Variants in SIRT2 observed in about 807,000 individuals in gnomAD.
SIRT2 encodes NAD-dependent protein deacetylase sirtuin-2.
Under a neutral mutation model 57.4 loss-of-function variants are expected in SIRT2, and 40 were observed. The observed-to-expected ratio is 0.70, with a 90% CI of 0.54 to 0.91. The LOEUF (loss-of-function observed/expected upper bound fraction) is 0.91, where lower values mean the gene tolerates loss of function less well. Among genes scored for constraint, SIRT2 ranks in the 40% least tolerant of loss-of-function variants. SIRT2 has a pLI of 0.00. For synonymous variants in SIRT2, 161 were observed against 195.7 expected, an observed-to-expected ratio of 0.82 and a Z score of 1.48; for missense variants, 439 against 510.4, an observed-to-expected ratio of 0.86 and a Z score of 1.35.
chr19:38,888,674 G>T (rs144678195), intron 8 of SIRT2, among the ~76,000 whole-genome samples: 5 of 152,232 alleles, frequency 3.3e-5, no homozygotes, highest in Non-Finnish European at 5.9e-5. Flanking sequence ...TGTTGGACAC[G>T]TGTCATAGTG....
In SIRT2 at chr19:38,893,857, G is replaced by T; in HGVS notation, c.74C>A (p.Ser25Ter). The T allele has an allele frequency of 6.2e-7, 1 of 1,614,094 alleles. No homozygotes were observed. Among genetic ancestry groups the T allele is most frequent in the Non-Finnish European group, 8.5e-7 (1 of 1,180,000 alleles). The change falls in exon 3 of 16, where the codon TCA (serine) becomes TAA (stop). Residue 25 changes from serine to a stop codon, truncating the protein, a stop_gained. Coordinates refer to ENST00000249396, the MANE Select transcript of SIRT2 (RefSeq NM_012237.4). LOFTEE classifies it high-confidence loss of function. ...ACCAGCGGCTCCTCCCTCAGAGTCTGAATCTGAGTCCTGGAAGGGGTGGGG... is the reference window on the plus strand; with the variant it reads ...ACCAGCGGCTCCTCCCTCAGAGTCTTAATCTGAGTCCTGGAAGGGGTGGGG... ...GKVQEAQDSDSDSEGGAAGGE... is the reference protein window; with the variant it reads ...GKVQEAQDSD
chr19:38,885,646 A>AGT (rs998928340), intron 8 of SIRT2, among the ~76,000 whole-genome samples: 1 of 144,496 alleles, frequency 6.9e-6, no homozygotes, highest in African/African-American at 2.6e-5. Context: ...GCTGGAGTGC[A>AGT]GTGGCGCAAT....
At chr19:38,895,407 G>T (rs1439106890) in intron 2 of SIRT2, among the ~76,000 whole-genome samples, 2 of 152,198 alleles carry the variant, frequency 1.3e-5, no homozygotes, top group Non-Finnish European at 2.9e-5. Context: ...CCAGCACTGA[G>T]AACAGGGTCT....
At chr19:38,892,826 C>T (rs1418646967) in intron 4 of SIRT2, among the ~76,000 whole-genome samples, 1 of 152,174 alleles carries the variant, frequency 6.6e-6, no homozygotes, top group African/African-American at 2.4e-5. Flanking sequence ...GATCCTCCCA[C>T]GATGGCCTCC....
Position 38,879,035 on chromosome 19 carries a change from A to G in SIRT2, c.*120T>C. The stretch of plus-strand genomic sequence containing the variant: ...ACCCCAGTTTTGGGGAGGGAGCTGT[A>G]AGAGATTGGGGGATGTTCTGAGCTC... On this transcript the variant is annotated 3_prime_UTR_variant, in exon 16 of 16. Coordinates refer to ENST00000249396, the MANE Select transcript of SIRT2 (RefSeq NM_012237.4). 2 of 1,102,724 alleles carry G rather than the reference A, an allele frequency of 1.8e-6. No individual in the cohort carries two copies. The highest frequency in any genetic ancestry group is 5.3e-5 in the East Asian group (2 of 37,710). The allele number at this position is 1,102,724 out of a possible 1,614,324, so 68.3% of individuals were successfully genotyped here.
chr19:38,889,555 C>A, intron 7 of SIRT2, 134 bp downstream of exon 7: 1 of 987,102 alleles, frequency 1.0e-6, no homozygotes, highest in Non-Finnish European at 1.5e-6. Context: ...AGGACTTGAA[C>A]CGAGGCAGTC....
At chr19:38,897,331 T>G (rs1218384904) in intron 2 of SIRT2, among the ~76,000 whole-genome samples, 1 of 152,168 alleles carries the variant, frequency 6.6e-6, no homozygotes, top group African/African-American at 2.4e-5. Context: ...AAGCGATACC[T>G]GTTGTGTGGA....
intron 2 of SIRT2, among the ~76,000 whole-genome samples, chr19:38,897,069 G>A (rs917313235): frequency 1.3e-5 from 2 of 152,138 alleles, no homozygotes; most frequent in Non-Finnish European, 2.9e-5. Context: ...TCCTGTAGCC[G>A]AGGGACGGGG....
chr19:38,888,404 C>T lies in SIRT2; in HGVS notation c.501+683G>A, dbSNP rs1027388979. ...CCCAGGCGGGTCCCAAACGCCTGGG[C>T]TCGAGCTATCTCTCGCTTTGGCCTC... On this transcript the variant is annotated intron_variant, in intron 8 of 15. Coordinates refer to ENST00000249396, the MANE Select transcript of SIRT2 (RefSeq NM_012237.4). 3.3e-5 allele frequency among the ~76,000 whole-genome samples: 5 copies of T among 152,232 alleles called. No homozygotes were observed. In the South Asian group the frequency reaches 1.0e-3, roughly 32 times the overall value.
At chr19:38,890,736 A>G (rs985307372) in intron 4 of SIRT2, 7 of 156,324 alleles carry the variant, frequency 4.5e-5, no homozygotes, top group Middle Eastern at 5.2e-4. Flanking sequence ...GTTGGAAATC[A>G]CACCAACTTG....
At chr19:38,884,456 G>GTTT (rs1169106739) in intron 8 of SIRT2, among the ~76,000 whole-genome samples, 1 of 150,614 alleles carries the variant, frequency 6.6e-6, no homozygotes, top group East Asian at 2.0e-4. Flanking sequence ...TTGTTTGTTT[G>GTTT]TTTGTTTTTT....
chr19:38,898,425 G>A lies in SIRT2; in HGVS notation c.17C>T (p.Pro6Leu), dbSNP rs904071840. MAEPD[P>L]SHPLETQAGK... Reference sequence around the variant, plus strand: ...TGCCTGGGTCTCCAGAGGGTGAGAGGCTGGGGGAGGGGAGCAGAGGTGGTT... The same window carrying A: ...TGCCTGGGTCTCCAGAGGGTGAGAGACTGGGGGAGGGGAGCAGAGGTGGTT... The change falls in exon 2 of 16, where the codon CCC (proline) becomes CTC (leucine). Residue 6 changes from proline (P) to leucine (L), a missense_variant and splice_region_variant. Physicochemically the swap from Pro to Leu is moderately conservative, Grantham distance 98. Coordinates refer to ENST00000249396, the MANE Select transcript of SIRT2 (RefSeq NM_012237.4). 7 of 1,536,392 alleles carry A rather than the reference G, an allele frequency of 4.6e-6. No homozygotes were observed. The highest frequency in any genetic ancestry group is 2.7e-5 in the African/African-American group (2 of 73,168).
intron 2 of SIRT2, among the ~76,000 whole-genome samples, chr19:38,895,064 C>T (rs1243121726): frequency 2.7e-5 from 4 of 150,870 alleles, no homozygotes; most frequent in African/African-American, 9.7e-5. Context: ...TTTCCTGCCC[C>T]CGCCTCCCTC....
rs1973073931 is a variant in SIRT2, at chr19:38,879,697, G to A, written c.882C>T (p.Asp294=). ...GGCCCATAATCATCCCCAGGAAAGG[G>A]TCCGACTGTCAGGGAGGGGGTGGGT... ...LINKEKAGQS[D]PFLGMIMGLG... is the part of the protein sequence containing the mutation. The change falls in exon 14 of 16, where the codon GAC becomes GAT. Residue 294 remains aspartate, a synonymous_variant. Transcript: ENST00000249396. The A allele has an allele frequency of 1.3e-6, 2 of 1,566,912 alleles. No homozygotes were observed. Among genetic ancestry groups the A allele is most frequent in the African/African-American group, 1.4e-5 (1 of 73,762 alleles).
chr19:38,879,319 G>C lies in SIRT2; in HGVS notation c.1015-9C>G. 6.2e-7 allele frequency: 1 copy of C among 1,613,450 alleles called. No individual in the cohort carries two copies. Among genetic ancestry groups the C allele is most frequent in the Non-Finnish European group, 8.5e-7 (1 of 1,179,876 alleles). Reference sequence around the variant, plus strand: ...AGGTCCTCCAGCTCCTTCTGCAGGAGCAAAGGTCACAGAAGTCAAAGGTCA... The same window carrying C: ...AGGTCCTCCAGCTCCTTCTGCAGGACCAAAGGTCACAGAAGTCAAAGGTCA... On this transcript the variant is annotated splice_polypyrimidine_tract_variant and intron_variant, in intron 15 of 15. Coordinates refer to ENST00000249396, the MANE Select transcript of SIRT2 (RefSeq NM_012237.4).
At chr19:38,882,967 C>A (rs529181756) in intron 9 of SIRT2, among the ~76,000 whole-genome samples, 30 of 151,978 alleles carry the variant, frequency 2.0e-4, no homozygotes, top group Admixed American at 3.9e-4. Context: ...AGAGGCCCTT[C>A]TGCAAATGCT....
Position 38,880,990 on chromosome 19 carries a change from C to A in SIRT2, c.748-93G>T. 1 of 1,545,080 alleles carries A rather than the reference C, an allele frequency of 6.5e-7. No homozygotes were observed. The highest frequency in any genetic ancestry group is 8.9e-7 in the Non-Finnish European group (1 of 1,124,814). ...AGCAGCAAACCTCCCTGCCGCCCCC[C>A]ATAGCTGGGGAGGTGACCTTTCCTG... On this transcript the variant is annotated intron_variant, in intron 11 of 15. Transcript: ENST00000249396. The surrounding 1 kb of genome is among the most constrained non-coding windows in gnomAD (Gnocchi z 4.1).
intron 9 of SIRT2, among the ~76,000 whole-genome samples, chr19:38,882,372 C>T (rs1230566630): frequency 1.3e-5 from 2 of 152,120 alleles, no homozygotes; most frequent in Non-Finnish European, 1.5e-5. Context: ...TGGTGGCTCA[C>T]GCCTGTAATC....
chr19:38,884,273 CCT>C (rs1187837468), intron 8 of SIRT2, among the ~76,000 whole-genome samples: 1 of 152,178 alleles, frequency 6.6e-6, no homozygotes, highest in Non-Finnish European at 1.5e-5. Context: ...TTTATTTCCA[CCT>C]GTCATTAATT....
Sources: gnomAD v4.1 joint callset for allele counts (sites outside exome capture counted in the v4.1 genomes callset) on GRCh38, gnomAD v4.1.1 for gene constraint, Gnocchi (gnomAD v3.1) non-coding constraint, MANE v1.5 for transcripts, NCBI Gene and HGNC (gene_info 2026-07-23, HGNC 2026-07-21) for gene names.